Variants in HDAC4 observed in about 807,000 individuals in gnomAD.
HDAC4 encodes histone deacetylase 4.
In HDAC4, 16 loss-of-function variants were observed where a neutral mutation model predicts 135.1. The observed-to-expected ratio is 0.12, with a 90% CI of 0.08 to 0.18. The LOEUF is 0.18. Among genes scored for constraint, HDAC4 ranks in the 10% least tolerant of loss-of-function variants. The pLI is 1.00. For synonymous variants in HDAC4, 685 were observed against 653.4 expected (o/e 1.05, Z -0.74); for missense variants, 1,143 against 1,511.8 (o/e 0.76, Z 4.05).
At chr2:239,163,461 A>AG (rs1367982511) in intron 6 of HDAC4, among the ~76,000 whole-genome samples, 2 of 151,948 alleles carry the variant, frequency 1.3e-5, no homozygotes, top group African/African-American at 2.4e-5. Flanking sequence ...GTCACTCTGG[A>AG]GGGGGGCCCA....
chr2:239,090,947 T>C (rs747945788), intron 17 of HDAC4, among the ~76,000 whole-genome samples: 3 of 151,938 alleles, frequency 2.0e-5, no homozygotes, highest in Non-Finnish European at 2.9e-5. Context: ...AAGCTCCACA[T>C]GTTGACCAGC....
intron 3 of HDAC4, among the ~76,000 whole-genome samples, chr2:239,207,169 AAAG>A (rs1473216004): frequency 6.6e-6 from 1 of 152,214 alleles, no homozygotes; most frequent in Non-Finnish European, 1.5e-5. Flanking sequence ...TCTATGGGCC[AAAG>A]AAGAAGCCAT....
intron 15 of HDAC4, among the ~76,000 whole-genome samples, chr2:239,104,718 G>C (rs1237960579): frequency 6.6e-6 from 1 of 152,164 alleles, no homozygotes; most frequent in African/African-American, 2.4e-5. Context: ...GACTTTGGGT[G>C]AAAGAACGGC....
At chr2:239,244,051 C>T (rs186103512) in intron 2 of HDAC4, among the ~76,000 whole-genome samples, 5 of 152,242 alleles carry the variant, frequency 3.3e-5, no homozygotes, top group Non-Finnish European at 5.9e-5. Flanking sequence ...TGGGGTTTGT[C>T]CCAGGGCCTC....
chr2:239,385,179 C>T (rs1025802635), intron 1 of HDAC4, among the ~76,000 whole-genome samples: 8 of 152,220 alleles, frequency 5.3e-5, no homozygotes, highest in Non-Finnish European at 1.2e-4. Context: ...CGTGGAGGCC[C>T]TCTCCCCAGC....
chr2:239,368,725 A>G (rs1429055893), intron 1 of HDAC4, among the ~76,000 whole-genome samples: 1 of 152,086 alleles, frequency 6.6e-6, no homozygotes, highest in East Asian at 1.9e-4. Flanking sequence ...CTGGGCAGGC[A>G]GCCCTCCCTG....
chr2:239,062,210 C>T (rs1196939194), intron 24 of HDAC4, among the ~76,000 whole-genome samples: 1 of 152,284 alleles, frequency 6.6e-6, no homozygotes, highest in African/African-American at 2.4e-5. Flanking sequence ...GCCTCCAGAC[C>T]TACGCGCTGA....
chr2:239,132,177 C>T (rs2121982), intron 11 of HDAC4, among the ~76,000 whole-genome samples: 15,122 of 152,218 alleles, frequency 0.099, 2,481 homozygotes, highest in African/African-American at 0.34. Context: ...CACATGAGTG[C>T]ACAGCCCACT....
At chr2:239,206,495 A>C (rs1220165523) in intron 3 of HDAC4, among the ~76,000 whole-genome samples, 1 of 152,168 alleles carries the variant, frequency 6.6e-6, no homozygotes, top group Non-Finnish European at 1.5e-5. Flanking sequence ...CCAAGCTTGA[A>C]TCTGATCAAA....
chr2:239,253,891 C>T (rs888291543), intron 2 of HDAC4, among the ~76,000 whole-genome samples: 8 of 152,094 alleles, frequency 5.3e-5, no homozygotes, highest in Non-Finnish European at 7.4e-5. Flanking sequence ...TGGCCATGAG[C>T]GTGGCTTGGA....
intron 3 of HDAC4, among the ~76,000 whole-genome samples, chr2:239,197,828 A>G (rs1255061136): frequency 1.4e-5 from 2 of 144,722 alleles, no homozygotes; most frequent in Non-Finnish European, 3.0e-5. Flanking sequence ...GAAGATAGTA[A>G]TGATAGCTCA....
intron 2 of HDAC4, among the ~76,000 whole-genome samples, chr2:239,304,696 G>A (rs1270906393): frequency 6.6e-6 from 1 of 152,160 alleles, no homozygotes; most frequent in East Asian, 1.9e-4. Flanking sequence ...AGCTCTCAAC[G>A]AAGGTGTGAC....
At chr2:239,380,282 G>A (rs565608825) in intron 1 of HDAC4, among the ~76,000 whole-genome samples, 4 of 152,296 alleles carry the variant, frequency 2.6e-5, no homozygotes, top group Admixed American at 1.3e-4. Flanking sequence ...ACACACGTCC[G>A]TGCACACATT....
At chr2:239,133,756 C>T (rs912033022) in intron 11 of HDAC4, among the ~76,000 whole-genome samples, 9 of 152,220 alleles carry the variant, frequency 5.9e-5, no homozygotes, top group Admixed American at 6.5e-5. Flanking sequence ...TGTCAGTCAC[C>T]GTGTCCGGCC....
chr2:239,150,869 C>T (rs184135564), intron 7 of HDAC4, among the ~76,000 whole-genome samples: 1 of 147,772 alleles, frequency 6.8e-6, no homozygotes, highest in East Asian at 2.1e-4. Context: ...CACCATGCTG[C>T]ACCTCCGTAT....
intron 1 of HDAC4, among the ~76,000 whole-genome samples, chr2:239,365,195 G>A (rs559082048): frequency 2.0e-5 from 3 of 152,296 alleles, no homozygotes; most frequent in African/African-American, 7.2e-5. Flanking sequence ...TGGAGTGTAA[G>A]GTCTGGCTAT....
chr2:239,263,223 T>G (rs1462502271), intron 2 of HDAC4, among the ~76,000 whole-genome samples: 1 of 152,092 alleles, frequency 6.6e-6, no homozygotes, highest in Non-Finnish European at 1.5e-5. Context: ...ACGGGGCCAC[T>G]GTGCAACTGC....
At chr2:239,280,628 C>T (rs934585811) in intron 2 of HDAC4, among the ~76,000 whole-genome samples, 1 of 152,178 alleles carries the variant, frequency 6.6e-6, no homozygotes, top group African/African-American at 2.4e-5. Flanking sequence ...GGCCTCTCTC[C>T]CGCGTGAGGA....
At chr2:239,258,666 T>G (rs1165517775) in intron 2 of HDAC4, among the ~76,000 whole-genome samples, 1 of 152,082 alleles carries the variant, frequency 6.6e-6, no homozygotes, top group Non-Finnish European at 1.5e-5. Context: ...AGACTGGAAA[T>G]GAACACCCAT....
Sources: allele counts gnomAD v4.1 joint callset (sites outside exome capture counted in the v4.1 genomes callset), GRCh38; gene constraint gnomAD v4.1.1; transcripts MANE v1.5; gene names NCBI Gene and HGNC (gene_info 2026-07-23, HGNC 2026-07-21).